Variants in MAGI2 observed in about 807,000 individuals in gnomAD.
MAGI2 encodes membrane associated guanylate kinase, WW and PDZ domain containing 2, also known as membrane-associated guanylate kinase, WW and PDZ domain-containing protein 2.
Under a neutral mutation model 133.3 loss-of-function variants are expected in MAGI2, and 35 were observed. The observed-to-expected ratio is 0.26, with a 90% CI of 0.20 to 0.35. The LOEUF (loss-of-function observed/expected upper bound fraction) is 0.35. MAGI2 is among the 10% of genes least tolerant of loss of function. The pLI is 1.00. For synonymous variants in MAGI2, 729 were observed against 710.6 expected, an observed-to-expected ratio of 1.03 and a Z score of -0.41; for missense variants, 1,636 against 1,863.4, an observed-to-expected ratio of 0.88 and a Z score of 2.25.
At chr7:79,134,809 G>A (rs1821230991) in intron 1 of MAGI2, among the ~76,000 whole-genome samples, 1 of 152,184 alleles carries the variant, frequency 6.6e-6, no homozygotes, top group Admixed American at 6.5e-5. Context: ...TAAACAAAAT[G>A]CTGCTAACAG....
At chr7:78,201,291 G>C in intron 10 of MAGI2, 98 bp from the exon 11 acceptor site, 1 of 574,008 alleles carries the variant, frequency 1.7e-6, no homozygotes. Flanking sequence ...TTTTAAATTA[G>C]TTAACAGCGA....
At chr7:78,931,365 C>G (rs1800108115) in intron 2 of MAGI2, among the ~76,000 whole-genome samples, 1 of 152,036 alleles carries the variant, frequency 6.6e-6, no homozygotes. Context: ...TAACTGAAAT[C>G]ACGGTTCCTT....
intron 1 of MAGI2, among the ~76,000 whole-genome samples, chr7:79,299,843 C>T (rs1462311787): frequency 6.6e-6 from 1 of 151,988 alleles, no homozygotes; most frequent in African/African-American, 2.4e-5. Flanking sequence ...AAGGAGTGAT[C>T]TGTCACAAAA....
intron 14 of MAGI2, among the ~76,000 whole-genome samples, chr7:78,173,935 GT>G (rs1826347459): frequency 2.0e-5 from 3 of 152,126 alleles, no homozygotes; most frequent in Admixed American, 2.0e-4. Context: ...ATGAAAATCC[GT>G]TTTTCAAAAG....
intron 1 of MAGI2, among the ~76,000 whole-genome samples, chr7:79,384,832 C>T (rs1413968528): frequency 2.6e-5 from 4 of 151,666 alleles, no homozygotes; most frequent in African/African-American, 9.7e-5. Flanking sequence ...ATCTGTATGA[C>T]TATGGAAACT....
intron 9 of MAGI2, among the ~76,000 whole-genome samples, chr7:78,264,261 T>C (rs1191703425): frequency 6.6e-6 from 1 of 152,172 alleles, no homozygotes; most frequent in Non-Finnish European, 1.5e-5. Context: ...GTTAAGTCAC[T>C]TCTCTAAAGT....
chr7:78,553,592 A>G (rs1316402773), intron 3 of MAGI2, among the ~76,000 whole-genome samples: 2 of 152,200 alleles, frequency 1.3e-5, no homozygotes, highest in African/African-American at 2.4e-5. Flanking sequence ...AGTTAGTTAG[A>G]TGATTATCTC....
rs529943139 is a variant in MAGI2, at chr7:78,954,207, G to A, written c.418+52883C>T. On this transcript the variant is annotated intron_variant, in intron 2 of 21. Transcript: ENST00000354212. ...TTACAGACACTGTAAGCCCCGGAGA[G>A]CACTGCCAAATGTCTACTTCTTATG... Among the ~76,000 whole-genome samples, 6 of 152,180 alleles carry A rather than the reference G, an allele frequency of 3.9e-5. No homozygotes were observed. The East Asian group carries it at 5.8e-4, about 15-fold the overall frequency.
intron 10 of MAGI2, among the ~76,000 whole-genome samples, chr7:78,222,364 A>T (rs1030851430): frequency 2.0e-5 from 3 of 152,232 alleles, no homozygotes; most frequent in Non-Finnish European, 2.9e-5. Context: ...AGAACAAGGA[A>T]AAATGAAAAA....
chr7:78,701,311 C>T (rs1455005412), intron 2 of MAGI2, among the ~76,000 whole-genome samples: 2 of 151,850 alleles, frequency 1.3e-5, no homozygotes, highest in Non-Finnish European at 1.5e-5. Context: ...TGAATTATTA[C>T]ACTGGGTACA....
chr7:79,437,918 G>A (rs960690077), intron 1 of MAGI2, among the ~76,000 whole-genome samples: 11 of 152,150 alleles, frequency 7.2e-5, no homozygotes, highest in African/African-American at 2.6e-4. Flanking sequence ...CTCAATTTAA[G>A]AAGATTGGTT....
chr7:79,322,249 A>C (rs1180629229), intron 1 of MAGI2, among the ~76,000 whole-genome samples: 1 of 152,188 alleles, frequency 6.6e-6, no homozygotes, highest in Non-Finnish European at 1.5e-5. Flanking sequence ...GATTACAAGA[A>C]TCACATAATT....
At chr7:79,055,778 T>C (rs1023542574) in intron 1 of MAGI2, among the ~76,000 whole-genome samples, 1 of 152,218 alleles carries the variant, frequency 6.6e-6, no homozygotes, top group Non-Finnish European at 1.5e-5. Context: ...TTTCCTAGGA[T>C]TTTACGTCCA....
chr7:78,075,960 G>A (rs1169281392), intron 21 of MAGI2, among the ~76,000 whole-genome samples: 1 of 152,132 alleles, frequency 6.6e-6, no homozygotes, highest in Non-Finnish European at 1.5e-5. Context: ...AAAGGAGATT[G>A]TTCTATGCTA....
At chr7:78,863,348 G>A (rs900238877) in intron 2 of MAGI2, among the ~76,000 whole-genome samples, 1 of 152,174 alleles carries the variant, frequency 6.6e-6, no homozygotes, top group African/African-American at 2.4e-5. Flanking sequence ...TGCATCTGGT[G>A]AAAGCCTCAG....
intron 6 of MAGI2, among the ~76,000 whole-genome samples, chr7:78,479,859 A>C (rs887450336): frequency 6.6e-6 from 1 of 151,968 alleles, no homozygotes; most frequent in African/African-American, 2.4e-5. Flanking sequence ...TTTAACAAGC[A>C]ATTATGAATT....
intron 1 of MAGI2, among the ~76,000 whole-genome samples, chr7:79,126,438 C>A (rs1235812454): frequency 6.6e-6 from 1 of 152,044 alleles, no homozygotes; most frequent in Non-Finnish European, 1.5e-5. Flanking sequence ...AGCTAAAGTT[C>A]TCTTACTCAT....
rs141290926 is a variant in MAGI2, at chr7:78,530,814, T to C, written c.539-9169A>G. 4.8e-3 allele frequency among the ~76,000 whole-genome samples: 735 copies of C among 152,302 alleles called. 5 individuals are homozygous for C. Among genetic ancestry groups the C allele is most frequent in the African/African-American group, 0.017 (688 of 41,568 alleles). ...TTGCCAAGTGACTGGGTTACTACTC[T>C]GAGAAACTAAACTAAGATGTCAAGG... On this transcript the variant is annotated intron_variant, in intron 3 of 21. Coordinates refer to ENST00000354212, the MANE Select transcript of MAGI2 (RefSeq NM_012301.4).
intron 2 of MAGI2, among the ~76,000 whole-genome samples, chr7:78,719,574 A>T (rs1355356955): frequency 2.6e-5 from 4 of 152,242 alleles, no homozygotes; most frequent in African/African-American, 4.8e-5. Context: ...TTTATGCAGG[A>T]TCTTGCACGA....
Sources: allele counts gnomAD v4.1 joint callset (sites outside exome capture counted in the v4.1 genomes callset), GRCh38; gene constraint gnomAD v4.1.1; transcripts MANE v1.5; gene names NCBI Gene and HGNC (gene_info 2026-07-23, HGNC 2026-07-21).